STAG2: variants seen among roughly 807,000 people sequenced by gnomAD.
The protein encoded by STAG2 is STAG2 cohesin complex component.
STAG2 carries 14 observed loss-of-function variants against 108.1 expected under a neutral mutation model. That is an observed-to-expected ratio of 0.13 (90% CI 0.09 to 0.20). The LOEUF (loss-of-function observed/expected upper bound fraction) is 0.20. Ranked by LOEUF, STAG2 falls within the 10% of genes least tolerant of loss-of-function variation. The probability of loss-of-function intolerance (pLI) is 1.00; values close to 1 mark genes in which losing one functional copy is unlikely to be tolerated. For synonymous variants in STAG2, 307 were observed against 302.7 expected (o/e 1.01, Z -0.15); for missense variants, 440 against 940.9 (o/e 0.47, Z 6.96).
At chrX:124,065,493 T>C (rs1381904288) in intron 20 of STAG2, among the ~76,000 whole-genome samples, 1 of 111,549 alleles carries the variant, frequency 9.0e-6, no homozygotes, top group Non-Finnish European at 1.9e-5. Flanking sequence ...GTCTTCATGA[T>C]GATATATGTT....
rs777752836 is a variant in STAG2 at position 124,030,965 on chromosome X, G to T, written c.128G>T (p.Cys43Phe). 8.4e-7 allele frequency: 1 copy of T among 1,193,834 alleles called. No individual in the cohort carries two copies. Among genetic ancestry groups the T allele is most frequent in the East Asian group, 3.0e-5 (1 of 33,119 alleles). The change falls in exon 5 of 35, where the codon TGT becomes TTT. Residue 43 changes from cysteine to phenylalanine, a missense_variant. Around this residue, in one of 3 missense-constraint regions of STAG2, gnomAD observed 34 missense variants for 36.7 expected, o/e 0.93. Transcript: ENST00000371145. ...CACCTCGTATTTTTTATGCAGACTT[G>T]TAAAAAAGGCAAAAAGGGCCCAGCA... is the stretch of plus-strand genomic sequence containing the variant. ...KNQKQGKGKT[C>F]KKGKKGPAEK...
intron 1 of STAG2, among the ~76,000 whole-genome samples, chrX:123,992,786 C>G (rs899777697): frequency 9.0e-6 from 1 of 111,022 alleles, no homozygotes; most frequent in Non-Finnish European, 1.9e-5. Flanking sequence ...GAGATCTGCC[C>G]GCCTTGGCCT....
intron 25 of STAG2, among the ~76,000 whole-genome samples, chrX:124,073,961 C>G (rs1180808864): frequency 1.8e-5 from 2 of 112,162 alleles, no homozygotes; most frequent in African/African-American, 6.5e-5. Context: ...TTTATCACAC[C>G]TTTGCATTTC....
intron 13 of STAG2, 138 bp from the exon 14 acceptor site, chrX:124,055,990 G>C (rs1312382787): frequency 4.3e-6 from 1 of 231,169 alleles, no homozygotes; most frequent in African/African-American, 9.2e-5. Context: ...AAATAAGCTT[G>C]ATTTGGTTTT....
chrX:124,090,350 T>G (rs768003278), intron 30 of STAG2, among the ~76,000 whole-genome samples: 2 of 108,728 alleles, frequency 1.8e-5, no homozygotes, highest in South Asian at 8.2e-4. Flanking sequence ...TATACTTCCC[T>G]CTCTCCTTGC....
intron 25 of STAG2, among the ~76,000 whole-genome samples, chrX:124,072,140 T>A (rs2058678868): frequency 9.0e-6 from 1 of 111,241 alleles, no homozygotes; most frequent in Admixed American, 9.6e-5. Context: ...GCCTCCTGAG[T>A]AGCTAGGACT....
chrX:124,015,017 C>T (rs1357477845), intron 1 of STAG2, among the ~76,000 whole-genome samples: 1 of 68,810 alleles, frequency 1.5e-5, no homozygotes, highest in Non-Finnish European at 2.5e-5. Context: ...GACGGAGTCT[C>T]ACTCTGTCGC....
At chrX:124,053,137 G>A (rs1042311934) in intron 13 of STAG2, among the ~76,000 whole-genome samples, 2 of 111,922 alleles carry the variant, frequency 1.8e-5, no homozygotes, top group South Asian at 3.6e-4. Flanking sequence ...ATTTCTGTAC[G>A]TCCTCACCAA....
rs2058511665 is a variant in STAG2 at position 124,065,921 on chromosome X, T to A, written c.2071T>A (p.Leu691Met). The change falls in exon 21 of 35, where the codon TTG becomes ATG. Residue 691 changes from leucine to methionine, a missense_variant. This residue lies in a region of STAG2 where 337 missense variants were observed against 649.3 expected (regional missense o/e 0.52). Coordinates refer to ENST00000371145, the MANE Select transcript of STAG2 (RefSeq NM_001042750.2). Reference sequence around the variant, plus strand: ...TGATGCATATCAGGTATTGTCAACATTGAAGAGGATCACTGCTTTTCATAA... The same window carrying A: ...TGATGCATATCAGGTATTGTCAACAATGAAGAGGATCACTGCTTTTCATAA... The part of the protein sequence containing the change: ...EDDAYQVLST[L>M]KRITAFHNAH... 1 of 1,177,688 alleles carries A rather than the reference T, an allele frequency of 8.5e-7. No individual in the cohort carries two copies. The highest frequency in any genetic ancestry group is 1.1e-6 in the Non-Finnish European group (1 of 879,190).
At chrX:124,076,261 A>G (rs2058800835) in intron 25 of STAG2, 71 bp from the exon 26 acceptor site, 1 of 977,618 alleles carries the variant, frequency 1.0e-6, no homozygotes, top group African/African-American at 1.9e-5. Flanking sequence ...CATGTTTCAT[A>G]GTGAGAATTA....
chrX:124,056,814 A>G (rs1219179973), intron 14 of STAG2, among the ~76,000 whole-genome samples: 3 of 108,721 alleles, frequency 2.8e-5, no homozygotes, highest in Non-Finnish European at 3.8e-5. Flanking sequence ...CTATATTATA[A>G]TATTAAGACT....
At chrX:123,986,178 T>G (rs1477621375) in intron 1 of STAG2, among the ~76,000 whole-genome samples, 1 of 107,270 alleles carries the variant, frequency 9.3e-6, no homozygotes, top group African/African-American at 3.4e-5. Flanking sequence ...ATGTGATACA[T>G]ATATGATATA....
At chrX:124,014,367 A>AT (rs1184377809) in intron 1 of STAG2, among the ~76,000 whole-genome samples, 1,469 of 105,591 alleles carry the variant, frequency 0.014, 31 homozygotes, top group African/African-American at 0.046. Context: ...TATGTATAAA[A>AT]TTTTTTTTTT....
intron 1 of STAG2, among the ~76,000 whole-genome samples, chrX:123,978,242 C>T (rs1185149001): frequency 9.6e-6 from 1 of 104,612 alleles, no homozygotes; most frequent in African/African-American, 3.5e-5. Flanking sequence ...CTGTGGTTTG[C>T]TGCACAGATC....
chrX:124,027,712 C>T (rs1293289429), intron 4 of STAG2, among the ~76,000 whole-genome samples: 1 of 111,644 alleles, frequency 9.0e-6, no homozygotes, highest in Non-Finnish European at 1.9e-5. Context: ...TGAACAACTG[C>T]GTAGATGAGA....
upstream of STAG2, chrX:123,961,153 A>G (rs2053831606): frequency 1.2e-5 from 1 of 83,434 alleles, no homozygotes; most frequent in African/African-American, 4.7e-5. Flanking sequence ...CTACCCCAAC[A>G]CTTCCAAGGA....
chrX:124,078,580 A>T (rs1317316469), intron 27 of STAG2, among the ~76,000 whole-genome samples: 2 of 111,430 alleles, frequency 1.8e-5, no homozygotes, highest in Non-Finnish European at 1.9e-5. Context: ...AACAGTGGTT[A>T]ACTTGTTTTG....
At chrX:124,078,877 G>A (rs1342608114) in intron 27 of STAG2, among the ~76,000 whole-genome samples, 2 of 108,817 alleles carry the variant, frequency 1.8e-5, no homozygotes, top group Admixed American at 9.8e-5. Flanking sequence ...GCTGAGGCAC[G>A]AGAATTGCTT....
intron 1 of STAG2, among the ~76,000 whole-genome samples, chrX:123,970,461 G>T (rs2054306504): frequency 9.0e-6 from 1 of 111,502 alleles, no homozygotes; most frequent in African/African-American, 3.3e-5. Flanking sequence ...GTTGAGAAAG[G>T]CTGCTAGAAT....
Sources: gnomAD v4.1 joint callset for allele counts (sites outside exome capture counted in the v4.1 genomes callset) on GRCh38, gnomAD v4.1.1 for gene constraint, gnomAD v4.1.1 regional missense constraint, MANE v1.5 for transcripts, NCBI Gene and HGNC (gene_info 2026-07-23, HGNC 2026-07-21) for gene names.